The following ST8SIA3 variants were observed in gnomAD, a reference collection of about 807,000 sequenced individuals.
ST8SIA3 encodes the protein alpha-N-acetylneuraminate alpha-2,8-sialyltransferase ST8SIA3.
Under a neutral mutation model 34.5 loss-of-function variants are expected in ST8SIA3, and 17 were observed. That is an observed-to-expected ratio of 0.49 (90% CI 0.34 to 0.74). The LOEUF (loss-of-function observed/expected upper bound fraction) is 0.74. Among genes scored for constraint, ST8SIA3 ranks in the 30% least tolerant of loss-of-function variants. ST8SIA3 has a pLI of 0.01. For missense variants in ST8SIA3, 354 were observed against 467.8 expected (o/e 0.76, Z 2.24); for synonymous variants, 172 against 176.1 (o/e 0.98, Z 0.19).
At chr18:57,359,858 T>TTTTG (rs1399809049) in intron 3 of ST8SIA3, 137 bp from the exon 4 acceptor site, 1 of 739,532 alleles carries the variant, frequency 1.4e-6, no homozygotes, top group Admixed American at 3.0e-5. Flanking sequence ...TGTTTTTGGT[T>TTTTG]GCCTAAAATA....
chr18:57,364,443 T>G lies in ST8SIA3; in HGVS notation c.*4166T>G, dbSNP rs959608842. On this transcript the variant is annotated 3_prime_UTR_variant, in exon 4 of 4. Coordinates refer to ENST00000324000, the MANE Select transcript of ST8SIA3 (RefSeq NM_015879.3). ...AGAAGATATACAAATAATAATAACT[T>G]CGTGAGTCTTCATGTGCAAAATGAC... The G allele has an allele frequency of 1.3e-5, 2 of 152,242 alleles. No individual in the cohort carries two copies. The highest frequency in any genetic ancestry group is 6.5e-5 in the Admixed American group (1 of 15,278). The allele number at this position is 152,242 out of a possible 1,614,324, so 9.4% of individuals were successfully genotyped here.
In ST8SIA3 at chr18:57,365,318, T is replaced by C. The variant is rs1465985973; in HGVS notation, c.*5041T>C. 6.6e-6 allele frequency: 1 copy of C among 152,222 alleles called. No individual in the cohort carries two copies. The highest frequency in any genetic ancestry group is 1.9e-4 in the East Asian group (1 of 5,192). 9.4% of individuals were successfully genotyped at this position (152,222 alleles called of 1,614,324 possible). A position where few individuals can be genotyped will look rare whatever the true frequency, so the allele number is the denominator to read the frequency against. On this transcript the variant is annotated 3_prime_UTR_variant, in exon 4 of 4. Transcript: ENST00000324000. ...TTGAGGTTATCATGTTAAATGGCAA[T>C]ATAGACACAGTCTTAGTGATTCAAC... is the stretch of plus-strand genomic sequence containing the variant.
At position 57,356,914 on chromosome 18, in the gene ST8SIA3, C is replaced by G; in HGVS notation, c.304C>G (p.Gln102Glu). 1 of 1,573,184 alleles carries G rather than the reference C, an allele frequency of 6.4e-7. No individual in the cohort carries two copies. The highest frequency in any genetic ancestry group is 8.7e-7 in the Non-Finnish European group (1 of 1,155,296). ...FNRTAFLHQR[Q>E]EILQHVDVIK... The stretch of plus-strand genomic sequence containing the variant: ...TTCATGAATTTCTTTTTATTTTAGG[C>G]AAGAAATTCTTCAGCATGTCGATGT... The change falls in exon 3 of 4, where the codon CAA becomes GAA. Residue 102 changes from glutamine (Q) to glutamate (E), a missense_variant and splice_region_variant. Coordinates refer to ENST00000324000, the MANE Select transcript of ST8SIA3 (RefSeq NM_015879.3).
rs2049834676 is a variant in ST8SIA3, at chr18:57,362,087, G to C, written c.*1810G>C. 2.0e-5 allele frequency: 3 copies of C among 152,138 alleles called. No homozygotes were observed. Among genetic ancestry groups the C allele is most frequent in the African/African-American group, 7.2e-5 (3 of 41,432 alleles). The allele number at this position is 152,138 out of a possible 1,614,324, so 9.4% of individuals were successfully genotyped here. On this transcript the variant is annotated 3_prime_UTR_variant, in exon 4 of 4. Coordinates refer to ENST00000324000, the MANE Select transcript of ST8SIA3 (RefSeq NM_015879.3). ...AATGAAAGAAACACCAAGTTCAAATGTGTTACCAATTATGACACACATTAC... is the reference window on the plus strand; with the variant it reads ...AATGAAAGAAACACCAAGTTCAAATCTGTTACCAATTATGACACACATTAC...
rs11330093 is a variant in ST8SIA3, at chr18:57,364,870, GA to G, written c.*4597del. Reference sequence around the variant, plus strand: ...TATTGTCATCTTATGCAGTATTTCTGAAAATTTATTTTTATTGTGATGACTG... The same window carrying G: ...TATTGTCATCTTATGCAGTATTTCTGAAATTTATTTTTATTGTGATGACTG... On this transcript the variant is annotated 3_prime_UTR_variant, in exon 4 of 4. Coordinates refer to ENST00000324000, the MANE Select transcript of ST8SIA3 (RefSeq NM_015879.3). The G allele has an allele frequency of 0.2, 30,967 of 152,482 alleles. 4,053 individuals carry two copies. Among genetic ancestry groups the G allele is most frequent in the African/African-American group, 0.37 (15,218 of 41,476 alleles). 9.4% of individuals were successfully genotyped at this position (152,482 alleles called of 1,614,324 possible).
Position 57,356,900 on chromosome 18 carries a change from C to A in ST8SIA3, c.303-13C>A. 1 of 1,523,758 alleles carries A rather than the reference C, an allele frequency of 6.6e-7. No individual in the cohort carries two copies. 94.4% of individuals were successfully genotyped at this position (1,523,758 alleles called of 1,614,324 possible). On this transcript the variant is annotated splice_polypyrimidine_tract_variant and intron_variant, in intron 2 of 3. Transcript: ENST00000324000. Reference sequence around the variant, plus strand: ...TGAATGGAATGCTTTTCATGAATTTCTTTTTATTTTAGGCAAGAAATTCTT... The same window carrying A: ...TGAATGGAATGCTTTTCATGAATTTATTTTTATTTTAGGCAAGAAATTCTT...
rs1357710346 is a variant in ST8SIA3, at chr18:57,367,308, T to G, written c.*7031T>G. 2 of 152,384 alleles carry G rather than the reference T, an allele frequency of 1.3e-5. No homozygotes were observed. Among genetic ancestry groups the G allele is most frequent in the Non-Finnish European group, 2.9e-5 (2 of 68,044 alleles). The allele number at this position is 152,384 out of a possible 1,614,324, so 9.4% of individuals were successfully genotyped here. On this transcript the variant is annotated 3_prime_UTR_variant, in exon 4 of 4. Coordinates refer to ENST00000324000, the MANE Select transcript of ST8SIA3 (RefSeq NM_015879.3). ...GTTATACCTCTATTTTCTTTCTTCC[T>G]AATGGTCATTGAAATGAGCTTGTTT...
chr18:57,365,010 G>C lies in ST8SIA3; in HGVS notation c.*4733G>C, dbSNP rs1384884110. ...TGCAGAGTAACTGACTTCAGTTTAAGGTTACCCTGGGGTTCTGGGGTTAGG... is the reference window on the plus strand; with the variant it reads ...TGCAGAGTAACTGACTTCAGTTTAACGTTACCCTGGGGTTCTGGGGTTAGG... On this transcript the variant is annotated 3_prime_UTR_variant, in exon 4 of 4. Transcript: ENST00000324000. 1 of 152,130 alleles carries C rather than the reference G, an allele frequency of 6.6e-6. No individual in the cohort carries two copies. Among genetic ancestry groups the C allele is most frequent in the African/African-American group, 2.4e-5 (1 of 41,418 alleles). The allele number at this position is 152,130 out of a possible 1,614,324, so 9.4% of individuals were successfully genotyped here.
Position 57,352,840 on chromosome 18 carries a change from GC to G in ST8SIA3, c.-4del. 1 of 1,612,830 alleles carries G rather than the reference GC, an allele frequency of 6.2e-7. No individual in the cohort carries two copies. Among genetic ancestry groups the G allele is most frequent in the Non-Finnish European group, 8.5e-7 (1 of 1,179,800 alleles). On this transcript the variant is annotated 5_prime_UTR_variant, in exon 1 of 4. Coordinates refer to ENST00000324000, the MANE Select transcript of ST8SIA3 (RefSeq NM_015879.3). ...CCCCGGTTTCCCTGAACCCAGCCCAGCCCGGGATGAGAAACTGCAAAATGGC... is the reference window on the plus strand; with the variant it reads ...CCCCGGTTTCCCTGAACCCAGCCCAGCCGGGATGAGAAACTGCAAAATGGC...
At chr18:57,359,393 G>T (rs2049816938) in intron 3 of ST8SIA3, among the ~76,000 whole-genome samples, 1 of 152,140 alleles carries the variant, frequency 6.6e-6, no homozygotes, top group Non-Finnish European at 1.5e-5. Context: ...GGAACCCCTA[G>T]TTAGAAGAGA....
Position 57,367,243 on chromosome 18 carries a change from C to T in ST8SIA3, c.*6966C>T, listed in dbSNP as rs532062671. On this transcript the variant is annotated 3_prime_UTR_variant, in exon 4 of 4. Coordinates refer to ENST00000324000, the MANE Select transcript of ST8SIA3 (RefSeq NM_015879.3). ...ATTTCTAAACTGTAAATGCTTGAAA[C>T]GCAAGTTGGACATTTTCTATACTAT... 11 of 152,218 alleles carry T rather than the reference C, an allele frequency of 7.2e-5. No individual in the cohort carries two copies. Among genetic ancestry groups the T allele is most frequent in the Admixed American group, 1.3e-4 (2 of 15,288 alleles). The allele number at this position is 152,218 out of a possible 1,614,324, so 9.4% of individuals were successfully genotyped here.
rs904261397 is a variant in ST8SIA3 at position 57,363,205 on chromosome 18, G to A, written c.*2928G>A. The A allele has an allele frequency of 6.6e-6, 1 of 152,180 alleles. No individual in the cohort carries two copies. Among genetic ancestry groups the A allele is most frequent in the Non-Finnish European group, 1.5e-5 (1 of 68,056 alleles). 9.4% of individuals were successfully genotyped at this position (152,180 alleles called of 1,614,324 possible). A position where few individuals can be genotyped will look rare whatever the true frequency, so the allele number is the denominator to read the frequency against. ...CAAAAAACCAATTAAGTTGCAGAGG[G>A]GGGAAATAATCACAAACTTTTGGCA... On this transcript the variant is annotated 3_prime_UTR_variant, in exon 4 of 4. Transcript: ENST00000324000.
Position 57,368,243 on chromosome 18 carries a change from T to G in ST8SIA3, c.*7966T>G, listed in dbSNP as rs2049871599. On this transcript the variant is annotated 3_prime_UTR_variant, in exon 4 of 4. Coordinates refer to ENST00000324000, the MANE Select transcript of ST8SIA3 (RefSeq NM_015879.3). Reference sequence around the variant, plus strand: ...AAGACAAAAGAATGTTTGTGATATCTTCTCTCGCTTAACATACTTTGATTT... The same window carrying G: ...AAGACAAAAGAATGTTTGTGATATCGTCTCTCGCTTAACATACTTTGATTT... 1 of 152,266 alleles carries G rather than the reference T, an allele frequency of 6.6e-6. No homozygotes were observed. Among genetic ancestry groups the G allele is most frequent in the African/African-American group, 2.4e-5 (1 of 41,466 alleles). 9.4% of individuals were successfully genotyped at this position (152,266 alleles called of 1,614,324 possible). A position where few individuals can be genotyped will look rare whatever the true frequency, so the allele number is the denominator to read the frequency against.
rs2049771473 is a variant in ST8SIA3, at chr18:57,352,765, CACACATATATACA to C, written c.-81_-69del. 7.0e-6 allele frequency: 7 copies of C among 998,772 alleles called. No individual in the cohort carries two copies. The highest frequency in any genetic ancestry group is 1.0e-5 in the Non-Finnish European group (7 of 668,092). The allele number at this position is 998,772 out of a possible 1,614,324, so 61.9% of individuals were successfully genotyped here. A position where few individuals can be genotyped will look rare whatever the true frequency, so the allele number is the denominator to read the frequency against. ...ACACACACACACACACACACACACA[CACACATATATACA>C]CGCCAGCGAGCTGCTGGCCGCTCAA... On this transcript the variant is annotated 5_prime_UTR_variant, in exon 1 of 4. Coordinates refer to ENST00000324000, the MANE Select transcript of ST8SIA3 (RefSeq NM_015879.3).
intron 1 of ST8SIA3, among the ~76,000 whole-genome samples, chr18:57,353,263 C>T (rs968058744): frequency 6.6e-6 from 1 of 152,122 alleles, no homozygotes; most frequent in Non-Finnish European, 1.5e-5. Flanking sequence ...TCGTATTCTT[C>T]CTCAGCATCC....
At chr18:57,355,894 T>C (rs924154379) in intron 2 of ST8SIA3, among the ~76,000 whole-genome samples, 72 of 152,168 alleles carry the variant, frequency 4.7e-4, no homozygotes, top group Non-Finnish European at 1.3e-4. Context: ...ACTTGGGGAG[T>C]TTCAAAGATT....
rs1280686114 is a variant in ST8SIA3 at position 57,361,482 on chromosome 18, G to A, written c.*1205G>A. The A allele has an allele frequency of 1.3e-5, 2 of 152,564 alleles. No individual in the cohort carries two copies. The highest frequency in any genetic ancestry group is 2.9e-5 in the Non-Finnish European group (2 of 68,050). The allele number at this position is 152,564 out of a possible 1,614,324, so 9.5% of individuals were successfully genotyped here. ...CTCTCTTTGAGAACATTGTAGCACT[G>A]GATATTCCCTCTTTCCACTGAAGTC... On this transcript the variant is annotated 3_prime_UTR_variant, in exon 4 of 4. Coordinates refer to ENST00000324000, the MANE Select transcript of ST8SIA3 (RefSeq NM_015879.3).
rs139731059 is a variant in ST8SIA3, at chr18:57,364,859, G to A, written c.*4582G>A. On this transcript the variant is annotated 3_prime_UTR_variant, in exon 4 of 4. Transcript: ENST00000324000. ...ATTGTATTATATATTGTCATCTTAT[G>A]CAGTATTTCTGAAAATTTATTTTTA... 8.6e-4 allele frequency: 127 copies of A among 146,984 alleles called. No homozygotes were observed. Among genetic ancestry groups the A allele is most frequent in the Middle Eastern group, 3.4e-3 (1 of 292 alleles). The allele number at this position is 146,984 out of a possible 1,614,324, so 9.1% of individuals were successfully genotyped here. A position where few individuals can be genotyped will look rare whatever the true frequency, so the allele number is the denominator to read the frequency against.
Position 57,360,360 on chromosome 18 carries a change from G to C in ST8SIA3, c.*83G>C. The C allele has an allele frequency of 3.0e-6, 4 of 1,312,912 alleles. No individual in the cohort carries two copies. In the South Asian group the frequency reaches 5.8e-5, roughly 19 times the overall value. 81.3% of individuals were successfully genotyped at this position (1,312,912 alleles called of 1,614,324 possible). ...ATAGCCTTCAGAATAGAACCCTAGAGAATGTCTTATAAGGATTGTCTGCCA... is the reference window on the plus strand; with the variant it reads ...ATAGCCTTCAGAATAGAACCCTAGACAATGTCTTATAAGGATTGTCTGCCA... On this transcript the variant is annotated 3_prime_UTR_variant, in exon 4 of 4. Coordinates refer to ENST00000324000, the MANE Select transcript of ST8SIA3 (RefSeq NM_015879.3).
Sources: gnomAD v4.1 joint callset for allele counts (sites outside exome capture counted in the v4.1 genomes callset) on GRCh38, gnomAD v4.1.1 for gene constraint, MANE v1.5 for transcripts, NCBI Gene and HGNC (gene_info 2026-07-23, HGNC 2026-07-21) for gene names.